Variants in SLC30A1 observed in about 807,000 individuals in gnomAD.
SLC30A1 encodes the protein solute carrier family 30 member 1, also known as proton-coupled zinc antiporter SLC30A1.
SLC30A1 carries 7 observed loss-of-function variants against 29.8 expected under a neutral mutation model. The observed-to-expected ratio is 0.23, with a 90% CI of 0.13 to 0.44. SLC30A1 has a LOEUF of 0.44. Ranked by LOEUF, SLC30A1 falls within the 20% of genes least tolerant of loss-of-function variation. SLC30A1 has a pLI of 1.00. For synonymous variants in SLC30A1, 254 were observed against 253.5 expected, an observed-to-expected ratio of 1.00 and a Z score of -0.02; for missense variants, 446 against 647.9, an observed-to-expected ratio of 0.69 and a Z score of 3.38.
chr1:211,575,477 T>G lies in SLC30A1; in HGVS notation c.1435A>C (p.Lys479Gln), dbSNP rs200463648. The change falls in exon 2 of 2, where the codon AAG becomes CAG. Residue 479 changes from lysine to glutamine, a missense_variant. Around this residue, in one of 5 missense-constraint regions of SLC30A1, gnomAD observed 187 missense variants for 312.7 expected, o/e 0.60. Coordinates refer to ENST00000367001, the MANE Select transcript of SLC30A1 (RefSeq NM_021194.3). This position sits in a 1 kb window ranked among gnomAD's most constrained non-coding sequence, Gnocchi z 6.0. The part of the protein sequence containing the change: ...CLELSNNLEK[K>Q]PRRTKAENIP... ...TTTTCAGCTTTAGTCCTCCTGGGCT[T>G]CTTCTCTAGATTGTTACTAAGTTCT... 39 of 1,614,170 alleles carry G rather than the reference T, an allele frequency of 2.4e-5. No individual in the cohort carries two copies. In the East Asian group the frequency reaches 2.5e-4, roughly 10 times the overall value.
In SLC30A1 at chr1:211,573,233, A is replaced by G. The variant is rs190060958; in HGVS notation, c.*2155T>C. The G allele has an allele frequency of 3.9e-5, 6 of 152,202 alleles. No individual in the cohort carries two copies. Among genetic ancestry groups the G allele is most frequent in the Admixed American group, 6.5e-5 (1 of 15,298 alleles). The allele number at this position is 152,202 out of a possible 1,614,324, so 9.4% of individuals were successfully genotyped here. The stretch of plus-strand genomic sequence containing the variant: ...CAGTCATTTGAAAAAAGAAAATCCT[A>G]TGGTACCACCATTATATATAAGCTA... On this transcript the variant is annotated 3_prime_UTR_variant, in exon 2 of 2. Transcript: ENST00000367001.
rs1706755793 is a variant in SLC30A1 at position 211,578,905 on chromosome 1, G to A, written c.-293C>T. ...TCAGCCTCAGCAGCCCCCACACCCA[G>A]GCGGCGGCGGTGGCGGGGAGCTGGG... On this transcript the variant is annotated 5_prime_UTR_variant, in exon 1 of 2. Coordinates refer to ENST00000367001, the MANE Select transcript of SLC30A1 (RefSeq NM_021194.3). Among the ~76,000 whole-genome samples, 1 of 152,082 alleles carries A rather than the reference G, an allele frequency of 6.6e-6. No individual in the cohort carries two copies. The highest frequency in any genetic ancestry group is 1.5e-5 in the Non-Finnish European group (1 of 67,984).
chr1:211,577,915 C>A lies in SLC30A1; in HGVS notation c.622+76G>T. 6.3e-7 allele frequency: 1 copy of A among 1,576,924 alleles called. No homozygotes were observed. The highest frequency in any genetic ancestry group is 8.6e-7 in the Non-Finnish European group (1 of 1,162,848). On this transcript the variant is annotated intron_variant, in intron 1 of 1. Transcript: ENST00000367001. The surrounding 1 kb of genome is among the most constrained non-coding windows in gnomAD (Gnocchi z 4.5). ...GCTCGGGCAGCAGGGGGCGTGCGGG[C>A]CACCCCGCCGAAGGCCAGGCGAGGC...
At position 211,577,935 on chromosome 1, in the gene SLC30A1, C is replaced by CGAG; in HGVS notation, c.622+53_622+55dup. ...GCGGGCCACCCCGCCGAAGGCCAGGCGAGGCTCTGGGCACCCCAAACCCAA... is the reference window on the plus strand; with the variant it reads ...GCGGGCCACCCCGCCGAAGGCCAGGCGAGGAGGCTCTGGGCACCCCAAACCCAA... On this transcript the variant is annotated intron_variant, in intron 1 of 1. Transcript: ENST00000367001. This position sits in a 1 kb window ranked among gnomAD's most constrained non-coding sequence, Gnocchi z 4.5. 1 of 1,600,980 alleles carries CGAG rather than the reference C, an allele frequency of 6.2e-7. No individual in the cohort carries two copies. Among genetic ancestry groups the CGAG allele is most frequent in the Non-Finnish European group, 8.5e-7 (1 of 1,174,384 alleles).
Position 211,572,037 on chromosome 1 carries a change from T to C in SLC30A1, c.*3351A>G, listed in dbSNP as rs903060957. The C allele has an allele frequency of 2.0e-5, 3 of 152,112 alleles. No homozygotes were observed. The highest frequency in any genetic ancestry group is 2.0e-4 in the Admixed American group (3 of 15,272). 9.4% of individuals were successfully genotyped at this position (152,112 alleles called of 1,614,324 possible). A position where few individuals can be genotyped will look rare whatever the true frequency, so the allele number is the denominator to read the frequency against. On this transcript the variant is annotated 3_prime_UTR_variant, in exon 2 of 2. Coordinates refer to ENST00000367001, the MANE Select transcript of SLC30A1 (RefSeq NM_021194.3). ...GACACTGGACCATAAAATTTTTGGT[T>C]TAAAAGTTTAAATTGAATAACATAC... is the stretch of plus-strand genomic sequence containing the variant.
chr1:211,575,557 T>G lies in SLC30A1; in HGVS notation c.1355A>C (p.Gln452Pro). The part of the protein sequence containing the change: ...ALKQCCGTLP[Q>P]APSGKDAEKT... ...TTCTGCATCCTTTCCAGAAGGGGCT[T>G]GTGGTAGTGTCCCACAACATTGCTT... The change falls in exon 2 of 2, where the codon CAA becomes CCA. Residue 452 changes from glutamine to proline, a missense_variant. This residue lies in a region of SLC30A1 where 187 missense variants were observed against 312.7 expected (regional missense o/e 0.60). Coordinates refer to ENST00000367001, the MANE Select transcript of SLC30A1 (RefSeq NM_021194.3). This position sits in a 1 kb window ranked among gnomAD's most constrained non-coding sequence, Gnocchi z 6.0. The G allele has an allele frequency of 1.2e-6, 2 of 1,614,204 alleles. No homozygotes were observed. Among genetic ancestry groups the G allele is most frequent in the East Asian group, 2.2e-5 (1 of 44,888 alleles).
rs1339535937 is a variant in SLC30A1, at chr1:211,572,118, A to G, written c.*3270T>C. 1 of 152,146 alleles carries G rather than the reference A, an allele frequency of 6.6e-6. No homozygotes were observed. The highest frequency in any genetic ancestry group is 6.5e-5 in the Admixed American group (1 of 15,280). The allele number at this position is 152,146 out of a possible 1,614,324, so 9.4% of individuals were successfully genotyped here. ...CTAAATATTCCAGAGCTTGTTAGTAAAACAAAATAGCATTACCACATAGTA... is the reference window on the plus strand; with the variant it reads ...CTAAATATTCCAGAGCTTGTTAGTAGAACAAAATAGCATTACCACATAGTA... On this transcript the variant is annotated 3_prime_UTR_variant, in exon 2 of 2. Coordinates refer to ENST00000367001, the MANE Select transcript of SLC30A1 (RefSeq NM_021194.3).
chr1:211,577,889 C>T lies in SLC30A1; in HGVS notation c.622+102G>A. The T allele has an allele frequency of 6.7e-7, 1 of 1,492,744 alleles. No individual in the cohort carries two copies. 92.5% of individuals were successfully genotyped at this position (1,492,744 alleles called of 1,614,324 possible). A position where few individuals can be genotyped will look rare whatever the true frequency, so the allele number is the denominator to read the frequency against. ...AGGCAGGGGCGGCGCGGCGCAGGCC[C>T]GCTCGGGCAGCAGGGGGCGTGCGGG... On this transcript the variant is annotated intron_variant, in intron 1 of 1. Transcript: ENST00000367001. The surrounding 1 kb of genome is among the most constrained non-coding windows in gnomAD (Gnocchi z 4.5).
chr1:211,576,010 G>C lies in SLC30A1; in HGVS notation c.902C>G (p.Thr301Ser). The C allele has an allele frequency of 6.2e-7, 1 of 1,613,572 alleles. No homozygotes were observed. Among genetic ancestry groups the C allele is most frequent in the Non-Finnish European group, 8.5e-7 (1 of 1,179,848 alleles). Residue 301 changes from threonine (T) to serine (S), a missense_variant, in exon 2 of 2, where the codon ACT becomes AGT. Physicochemically the swap from Thr to Ser is moderately conservative, Grantham distance 58. Coordinates refer to ENST00000367001, the MANE Select transcript of SLC30A1 (RefSeq NM_021194.3). ...CKAFVEIINS[T>S]HASVYEAGPC... The stretch of plus-strand genomic sequence containing the variant: ...ACCAGCCTCATAAACTGATGCATGA[G>C]TACTATTAATTATTTCTACAAATGC...
rs775104010 is a variant in SLC30A1 at position 211,575,345 on chromosome 1, T to C, written c.*43A>G. On this transcript the variant is annotated 3_prime_UTR_variant, in exon 2 of 2. Coordinates refer to ENST00000367001, the MANE Select transcript of SLC30A1 (RefSeq NM_021194.3). This position sits in a 1 kb window ranked among gnomAD's most constrained non-coding sequence, Gnocchi z 6.0. ...AATTTCAGTGGAGTCTTTTTCCTCTTGCAGTTTAAAGCAAAAGTCAAATAT... is the reference window on the plus strand; with the variant it reads ...AATTTCAGTGGAGTCTTTTTCCTCTCGCAGTTTAAAGCAAAAGTCAAATAT... The C allele has an allele frequency of 6.7e-7, 1 of 1,495,634 alleles. No individual in the cohort carries two copies. The highest frequency in any genetic ancestry group is 2.2e-5 in the Admixed American group (1 of 44,516). 92.6% of individuals were successfully genotyped at this position (1,495,634 alleles called of 1,614,324 possible). A position where few individuals can be genotyped will look rare whatever the true frequency, so the allele number is the denominator to read the frequency against.
rs978035742 is a variant in SLC30A1 at position 211,574,736 on chromosome 1, T to C, written c.*652A>G. ...CATACAATAACCTAAATATTTAGTTTGGTAAACTTTCTTCCTTGCTCTTAC... is the reference window on the plus strand; with the variant it reads ...CATACAATAACCTAAATATTTAGTTCGGTAAACTTTCTTCCTTGCTCTTAC... On this transcript the variant is annotated 3_prime_UTR_variant, in exon 2 of 2. Transcript: ENST00000367001. The C allele has an allele frequency of 6.6e-6, 1 of 152,198 alleles. No individual in the cohort carries two copies. Among genetic ancestry groups the C allele is most frequent in the Non-Finnish European group, 1.5e-5 (1 of 68,004 alleles). 9.4% of individuals were successfully genotyped at this position (152,198 alleles called of 1,614,324 possible).
In SLC30A1 at chr1:211,572,357, A is replaced by G. The variant is rs1181938903; in HGVS notation, c.*3031T>C. The G allele has an allele frequency of 6.6e-6, 1 of 152,156 alleles. No homozygotes were observed. Among genetic ancestry groups the G allele is most frequent in the East Asian group, 1.9e-4 (1 of 5,202 alleles). The allele number at this position is 152,156 out of a possible 1,614,324, so 9.4% of individuals were successfully genotyped here. A position where few individuals can be genotyped will look rare whatever the true frequency, so the allele number is the denominator to read the frequency against. ...TCTCCATATTTGTGTGAACATCTTA[A>G]GACAGCAGGTTAATGACATTTTTAT... On this transcript the variant is annotated 3_prime_UTR_variant, in exon 2 of 2. Transcript: ENST00000367001.
chr1:211,578,021 T>A lies in SLC30A1; in HGVS notation c.592A>T (p.Asn198Tyr). ...GGGTCCAATTTCAGCCCGTTGGAGTTGCTGGTATTGGCCACCAGGGTGTTG... is the reference window on the plus strand; with the variant it reads ...GGGTCCAATTTCAGCCCGTTGGAGTAGCTGGTATTGGCCACCAGGGTGTTG... ...ETNTLVANTS[N>Y]SNGLKLDPAD... The change falls in exon 1 of 2, where the codon AAC (asparagine) becomes TAC (tyrosine). Residue 198 changes from asparagine (N) to tyrosine (Y), a missense_variant. Around this residue, in one of 5 missense-constraint regions of SLC30A1, gnomAD observed 159 missense variants for 161.1 expected, o/e 0.99. Transcript: ENST00000367001. 1 of 1,613,250 alleles carries A rather than the reference T, an allele frequency of 6.2e-7. No individual in the cohort carries two copies. The highest frequency in any genetic ancestry group is 8.5e-7 in the Non-Finnish European group (1 of 1,179,872).
At position 211,576,166 on chromosome 1, in the gene SLC30A1, A is replaced by T; in HGVS notation, c.746T>A (p.Phe249Tyr). 6.2e-7 allele frequency: 1 copy of T among 1,614,078 alleles called. No homozygotes were observed. Among genetic ancestry groups the T allele is most frequent in the Non-Finnish European group, 8.5e-7 (1 of 1,180,012 alleles). Residue 249 changes from phenylalanine (F) to tyrosine (Y), a missense_variant, in exon 2 of 2, where the codon TTT (phenylalanine) becomes TAT (tyrosine). By Grantham distance (22) the Phe-to-Tyr change is conservative. Transcript: ENST00000367001. The stretch of plus-strand genomic sequence containing the variant: ...CAAGGCATCTCCAAGGACATGCAGA[A>T]AAACTCCACGCATGTTAAGTTGTCC... ...RAGQLNMRGV[F>Y]LHVLGDALGS... is the part of the protein sequence containing the mutation.
At position 211,578,622 on chromosome 1, in the gene SLC30A1, T is replaced by G. The variant is rs1453414148; in HGVS notation, c.-10A>C. 6.5e-7 allele frequency: 1 copy of G among 1,543,072 alleles called. No individual in the cohort carries two copies. Among genetic ancestry groups the G allele is most frequent in the East Asian group, 2.4e-5 (1 of 42,496 alleles). Reference sequence around the variant, plus strand: ...GACCCCAACACCCCATGGCTGCGGCTGCGGGGCCCGCCGAGCCCGGCCCGG... The same window carrying G: ...GACCCCAACACCCCATGGCTGCGGCGGCGGGGCCCGCCGAGCCCGGCCCGG... On this transcript the variant is annotated 5_prime_UTR_variant, in exon 1 of 2. Transcript: ENST00000367001.
In SLC30A1 at chr1:211,577,789, G is replaced by C. The variant is rs747611448; in HGVS notation, c.622+202C>G. On this transcript the variant is annotated intron_variant, in intron 1 of 1. Transcript: ENST00000367001. The surrounding 1 kb of genome is among the most constrained non-coding windows in gnomAD (Gnocchi z 4.5). ...CTACAAATATGCCAGACGCGTCGCCGGCTCCTTGCACCCGACTGAGGGGGT... is the reference window on the plus strand; with the variant it reads ...CTACAAATATGCCAGACGCGTCGCCCGCTCCTTGCACCCGACTGAGGGGGT... Among the ~76,000 whole-genome samples, 1 of 152,182 alleles carries C rather than the reference G, an allele frequency of 6.6e-6. No individual in the cohort carries two copies. The highest frequency in any genetic ancestry group is 1.5e-5 in the Non-Finnish European group (1 of 68,028).
chr1:211,578,261 C>A lies in SLC30A1; in HGVS notation c.352G>T (p.Gly118Trp). The A allele has an allele frequency of 1.2e-6, 2 of 1,612,476 alleles. No individual in the cohort carries two copies. Among genetic ancestry groups the A allele is most frequent in the Non-Finnish European group, 1.7e-6 (2 of 1,179,584 alleles). Residue 118 changes from glycine (G) to tryptophan (W), a missense_variant, in exon 1 of 2, where the codon GGG becomes TGG. Physicochemically the swap from Gly to Trp is radical, Grantham distance 184 (BLOSUM62 -2). Transcript: ENST00000367001. ...HEMQQPLVVL[G>W]VGVAGLLVNV... Reference sequence around the variant, plus strand: ...ACCAGCAGCCCGGCCACGCCGACCCCAAGGACCACCAGCGGCTGCTGCATC... The same window carrying A: ...ACCAGCAGCCCGGCCACGCCGACCCAAAGGACCACCAGCGGCTGCTGCATC...
chr1:211,575,538 A>G lies in SLC30A1; in HGVS notation c.1374T>C (p.Asp458=). The change falls in exon 2 of 2, where the codon GAT becomes GAC. Residue 458 remains aspartate, a synonymous_variant. Transcript: ENST00000367001. The surrounding 1 kb of genome is among the most constrained non-coding windows in gnomAD (Gnocchi z 6.0). ...GTLPQAPSGK[D]AEKTPAVSIS... is the part of the protein sequence containing the mutation. The stretch of plus-strand genomic sequence containing the variant: ...TGCTAACTGCTGGGGTCTTTTCTGC[A>G]TCCTTTCCAGAAGGGGCTTGTGGTA... The G allele has an allele frequency of 1.9e-6, 3 of 1,614,198 alleles. No individual in the cohort carries two copies. Among genetic ancestry groups the G allele is most frequent in the Non-Finnish European group, 2.5e-6 (3 of 1,180,022 alleles).
rs1706755915 is a variant in SLC30A1 at position 211,578,909 on chromosome 1, G to A, written c.-297C>T. Among the ~76,000 whole-genome samples, 1 of 152,202 alleles carries A rather than the reference G, an allele frequency of 6.6e-6. No individual in the cohort carries two copies. The highest frequency in any genetic ancestry group is 6.5e-5 in the Admixed American group (1 of 15,288). On this transcript the variant is annotated 5_prime_UTR_variant, in exon 1 of 2. Transcript: ENST00000367001. ...CCTCAGCAGCCCCCACACCCAGGCG[G>A]CGGCGGTGGCGGGGAGCTGGGCTCC... is the stretch of plus-strand genomic sequence containing the variant.
Sources: gnomAD v4.1 joint callset for allele counts (sites outside exome capture counted in the v4.1 genomes callset) on GRCh38, gnomAD v4.1.1 for gene constraint, gnomAD v4.1.1 regional missense constraint, Gnocchi (gnomAD v3.1) non-coding constraint, MANE v1.5 for transcripts, NCBI Gene and HGNC (gene_info 2026-07-23, HGNC 2026-07-21) for gene names.